Variants in GATM observed in about 807,000 individuals in gnomAD.
GATM encodes glycine amidinotransferase.
GATM carries 23 observed loss-of-function variants against 54.2 expected under a neutral mutation model. The ratio of observed to expected loss-of-function variants is 0.42; its 90% CI spans 0.31 to 0.60. GATM has a LOEUF of 0.60. GATM is among the 20% of genes least tolerant of loss of function. The pLI is 0.14. For synonymous variants in GATM, 168 were observed against 183.1 expected, an observed-to-expected ratio of 0.92 and a Z score of 0.67; for missense variants, 401 against 544.9, an observed-to-expected ratio of 0.74 and a Z score of 2.63.
At chr15:45,390,242 C>T (rs770158937) in intron 3 of GATM, among the ~76,000 whole-genome samples, 4 of 152,228 alleles carry the variant, frequency 2.6e-5, no homozygotes, top group African/African-American at 9.6e-5. Flanking sequence ...GAATCCCACA[C>T]ACCAAATATT....
intron 3 of GATM, chr15:45,396,871 A>AAAAAAAAAC (rs1889940344): frequency 1.8e-5 from 1 of 54,116 alleles, no homozygotes; most frequent in Non-Finnish European, 2.7e-5. Flanking sequence ...CTCCGTCTCA[A>AAAAAAAAAC]AAAAAAAAAA....
intron 4 of GATM, among the ~76,000 whole-genome samples, chr15:45,367,434 C>CT (rs1281627312): frequency 6.6e-6 from 1 of 151,952 alleles, no homozygotes; most frequent in African/African-American, 2.4e-5. Flanking sequence ...TCATTCTGTT[C>CT]TTTTAGAAAA....
intron 3 of GATM, among the ~76,000 whole-genome samples, chr15:45,391,742 G>A (rs1889875780): frequency 6.6e-6 from 1 of 152,142 alleles, no homozygotes; most frequent in Non-Finnish European, 1.5e-5. Flanking sequence ...TATTAGAGTT[G>A]GTGTTAGGCA....
chr15:45,373,543 A>G (rs1193577347), intron 2 of GATM, among the ~76,000 whole-genome samples: 1 of 151,880 alleles, frequency 6.6e-6, no homozygotes, highest in Admixed American at 6.6e-5. Context: ...TTGATAGCAG[A>G]TATTTACTAT....
chr15:45,381,666 T>C (rs770953512), upstream of GATM, among the ~76,000 whole-genome samples: 5 of 152,202 alleles, frequency 3.3e-5, no homozygotes, highest in Admixed American at 6.5e-5. Context: ...AGCACACACA[T>C]ATACACACAG....
At chr15:45,369,647 G>C (rs1363580967) in intron 2 of GATM, 126 bp from the exon 3 acceptor site, 1 of 805,902 alleles carries the variant, frequency 1.2e-6, no homozygotes, top group African/African-American at 1.7e-5. Flanking sequence ...TCCATGTTCA[G>C]TGCTGATCCC....
At chr15:45,380,221 T>C (rs1889720679), upstream of GATM, 1 of 135,570 alleles carries the variant, frequency 7.4e-6, no homozygotes, top group African/African-American at 2.9e-5. Context: ...CACTCCAGCC[T>C]GGGCGACAGA....
chr15:45,363,832 G>T, intron 8 of GATM, 68 bp downstream of exon 8: 1 of 941,488 alleles, frequency 1.1e-6, no homozygotes, highest in African/African-American at 1.6e-5. Context: ...AACCTAGCAT[G>T]TCATTTCTTT....
intron 1 of GATM, chr15:45,378,088 C>T (rs1386784979): frequency 1.4e-5 from 5 of 355,222 alleles, no homozygotes; most frequent in South Asian, 5.3e-5. Context: ...AGGGGGGCGG[C>T]GCCCCCTGCG....
At chr15:45,386,528 T>A (rs1445535545) in intron 3 of GATM, among the ~76,000 whole-genome samples, 1 of 152,194 alleles carries the variant, frequency 6.6e-6, no homozygotes, top group Non-Finnish European at 1.5e-5. Flanking sequence ...GCCACCTGGC[T>A]CCTCTCATGT....
In GATM at chr15:45,369,479, C is replaced by T; in HGVS notation, c.331G>A (p.Gly111Arg). The change falls in exon 3 of 9, where the codon GGA becomes AGA. Residue 111 changes from glycine (G) to arginine (R), a missense_variant. Physicochemically the swap from Gly to Arg is moderately radical, Grantham distance 125. Around this residue, in one of 3 missense-constraint regions of GATM, gnomAD observed 321 missense variants for 457.5 expected, o/e 0.70. Transcript: ENST00000396659. The part of the protein sequence containing the change: ...EKYWPFYQKQ[G>R]GHYFPKDHLK... ...TGATCTTTGGGAAAATAATGCCCTC[C>T]TTGCTTCTGGTAAAATGGCCAGTAC... The T allele has an allele frequency of 3.7e-6, 6 of 1,614,148 alleles. No individual in the cohort carries two copies. The highest frequency in any genetic ancestry group is 5.1e-6 in the Non-Finnish European group (6 of 1,180,004).
chr15:45,376,531 GCAGT>G, intron 2 of GATM, 66 bp downstream of exon 2: 1 of 1,296,312 alleles, frequency 7.7e-7, no homozygotes, highest in Non-Finnish European at 1.1e-6. Flanking sequence ...TGAAGGGAAA[GCAGT>G]CAGAGGGTAG....
upstream of GATM, chr15:45,379,385 C>G (rs1261927951): frequency 6.6e-6 from 1 of 152,080 alleles, no homozygotes; most frequent in Non-Finnish European, 1.5e-5. Context: ...CATTTTTGTA[C>G]TTATAGAATT....
chr15:45,364,630 CA>C, intron 7 of GATM, 166 bp downstream of exon 7: 1 of 628,716 alleles, frequency 1.6e-6, no homozygotes, highest in East Asian at 2.8e-5. Flanking sequence ...GTTGCAAACA[CA>C]AGTCCCAGCC....
intron 3 of GATM, among the ~76,000 whole-genome samples, chr15:45,387,093 C>A (rs780913208): frequency 4.6e-5 from 7 of 152,176 alleles, no homozygotes; most frequent in Non-Finnish European, 7.3e-5. Flanking sequence ...AATGGAATGA[C>A]CTGTGAGGCA....
chr15:45,372,023 G>C (rs1422068078), intron 2 of GATM, among the ~76,000 whole-genome samples: 1 of 152,162 alleles, frequency 6.6e-6, no homozygotes, highest in Non-Finnish European at 1.5e-5. Context: ...TGGTGAATAA[G>C]GAATAAGCCA....
chr15:45,383,874 T>C (rs1253933359), intron 3 of GATM, among the ~76,000 whole-genome samples: 1 of 151,702 alleles, frequency 6.6e-6, no homozygotes, highest in Non-Finnish European at 1.5e-5. Flanking sequence ...ATTTCTACTC[T>C]AATAATAATA....
intron 3 of GATM, among the ~76,000 whole-genome samples, chr15:45,387,050 G>T (rs1247183089): frequency 1.3e-5 from 2 of 152,160 alleles, no homozygotes; most frequent in African/African-American, 4.8e-5. Context: ...ATATTGCAAA[G>T]GCTAAACTAG....
chr15:45,367,255 T>A (rs1889464373), intron 4 of GATM, among the ~76,000 whole-genome samples: 1 of 151,366 alleles, frequency 6.6e-6, no homozygotes, highest in Non-Finnish European at 1.5e-5. Context: ...GCAGGAGAAT[T>A]GCTGGAACCC....
Sources: allele counts gnomAD v4.1 joint callset (sites outside exome capture counted in the v4.1 genomes callset), GRCh38; gene constraint gnomAD v4.1.1; regional missense constraint gnomAD v4.1.1; transcripts MANE v1.5; gene names NCBI Gene and HGNC (gene_info 2026-07-23, HGNC 2026-07-21).